Variants in CHRNA2 observed in about 807,000 individuals in gnomAD.
CHRNA2 encodes cholinergic receptor nicotinic alpha 2 subunit.
A neutral mutation model predicts 45.5 loss-of-function variants in CHRNA2; 40 were observed. The observed-to-expected ratio is 0.88, with a 90% CI of 0.68 to 1.15. CHRNA2 has a LOEUF of 1.15. Ranked by LOEUF, CHRNA2 falls within the 50% of genes most tolerant of loss-of-function variation. The pLI is 0.00. For missense variants in CHRNA2, 655 were observed against 701.7 expected (o/e 0.93, Z 0.75); for synonymous variants, 301 against 296.7 (o/e 1.01, Z -0.15).
intron 1 of CHRNA2, among the ~76,000 whole-genome samples, chr8:27,473,999 C>T (rs1162655791): frequency 6.6e-6 from 1 of 152,140 alleles, no homozygotes; most frequent in African/African-American, 2.4e-5. Context: ...TCACTCAATC[C>T]CCCTGGGATT....
At chr8:27,476,434 T>C (rs1813062645) in intron 1 of CHRNA2, among the ~76,000 whole-genome samples, 1 of 152,236 alleles carries the variant, frequency 6.6e-6, no homozygotes, top group African/African-American at 2.4e-5. Context: ...TGCATAAGCA[T>C]CTGAGAGATG....
chr8:27,463,109 C>T lies in CHRNA2; in HGVS notation c.1334G>A (p.Gly445Glu), dbSNP rs746067361. ...AGCCTCAGCCTTGGGACCTGAGGCC[C>T]CAGAGTGCAGGTGGCCGTGGCTGCA... ...TLCSHGHLHS[G>E]ASGPKAEALL... The change falls in exon 6 of 7, where the codon GGG becomes GAG. Residue 445 changes from glycine (G) to glutamate (E), a missense_variant. Gly to Glu is a moderately conservative substitution (Grantham distance 98). Transcript: ENST00000407991. The surrounding 1 kb of genome is among the most constrained non-coding windows in gnomAD (Gnocchi z 6.1). 2 of 1,610,646 alleles carry T rather than the reference C, an allele frequency of 1.2e-6. No individual in the cohort carries two copies. Among genetic ancestry groups the T allele is most frequent in the African/African-American group, 2.7e-5 (2 of 74,876 alleles).
At chr8:27,469,235 G>T (rs951972094) in intron 4 of CHRNA2, 100 bp downstream of exon 4, 5 of 1,172,310 alleles carry the variant, frequency 4.3e-6, no homozygotes, top group South Asian at 2.6e-5. Context: ...TCAGGGTCTT[G>T]CTGTTCCTTG....
At chr8:27,477,796 T>A (rs1813105175) in intron 1 of CHRNA2, among the ~76,000 whole-genome samples, 1 of 151,816 alleles carries the variant, frequency 6.6e-6, no homozygotes, top group Non-Finnish European at 1.5e-5. Flanking sequence ...GTAAAGTGGG[T>A]CTGGGTGAAT....
chr8:27,478,029 T>A (rs1586409489), intron 1 of CHRNA2, among the ~76,000 whole-genome samples: 1 of 152,074 alleles, frequency 6.6e-6, no homozygotes, highest in Non-Finnish European at 1.5e-5. Context: ...CTAATTCTGT[T>A]TTCAACTTCT....
At chr8:27,462,236 G>A (rs1287122107) in intron 6 of CHRNA2, among the ~76,000 whole-genome samples, 1 of 151,692 alleles carries the variant, frequency 6.6e-6, no homozygotes, top group Middle Eastern at 3.2e-3. Flanking sequence ...TGTAGAACTT[G>A]GGCTCACAGC....
rs1812513376 is a variant in CHRNA2, at chr8:27,462,150, C to A, written c.1465-396G>T. 2.0e-5 allele frequency among the ~76,000 whole-genome samples: 3 copies of A among 152,240 alleles called. No individual in the cohort carries two copies. The South Asian group carries it at 6.2e-4, about 32-fold the overall frequency. On this transcript the variant is annotated intron_variant, in intron 6 of 6. Coordinates refer to ENST00000407991, the MANE Select transcript of CHRNA2 (RefSeq NM_000742.4). Reference sequence around the variant, plus strand: ...TGCTCACAGGTTGCCTCCTCACCCACCTGCTGGAGCTGGGGAGAGGGAAAC... The same window carrying A: ...TGCTCACAGGTTGCCTCCTCACCCAACTGCTGGAGCTGGGGAGAGGGAAAC...
intron 1 of CHRNA2, among the ~76,000 whole-genome samples, chr8:27,472,488 G>A (rs1172910264): frequency 6.6e-6 from 1 of 152,162 alleles, no homozygotes; most frequent in African/African-American, 2.4e-5. Flanking sequence ...CCACATCTTT[G>A]GGGGGTCACA....
Position 27,463,894 on chromosome 8 carries a change from G to T in CHRNA2, c.549C>A (p.Cys183Ter), listed in dbSNP as rs1563319049. The T allele has an allele frequency of 6.2e-6, 10 of 1,614,240 alleles. No individual in the cohort carries two copies. Among genetic ancestry groups the T allele is most frequent in the Non-Finnish European group, 8.5e-6 (10 of 1,180,048 alleles). ...AGGGGAAGAAGGTGACGTCGATGCTGCAGGAGCTCTTGTAGATGGCCGGGG... is the reference window on the plus strand; with the variant it reads ...AGGGGAAGAAGGTGACGTCGATGCTTCAGGAGCTCTTGTAGATGGCCGGGG... ...WVPPAIYKSSCSIDVTFFPFD... is the reference protein window; with the variant it reads ...WVPPAIYKSS Residue 183 changes from cysteine (C) to a stop codon, truncating the protein, a stop_gained, in exon 6 of 7, where the codon TGC (cysteine) becomes TGA (stop). Transcript: ENST00000407991. LOFTEE classifies it high-confidence loss of function. The surrounding 1 kb of genome is among the most constrained non-coding windows in gnomAD (Gnocchi z 6.1).
In CHRNA2 at chr8:27,463,966, G is replaced by A. The variant is rs1812618183; in HGVS notation, c.477C>T (p.His159=). ...TGGAGAAGAGGTGGGCCTTGGTCAT[G>A]TGGGTCACTGCAAACTCCCCATCTG... ...NNADGEFAVT[H]MTKAHLFSTG... The change falls in exon 6 of 7, where the codon CAC becomes CAT. Residue 159 remains histidine, a synonymous_variant. Coordinates refer to ENST00000407991, the MANE Select transcript of CHRNA2 (RefSeq NM_000742.4). The surrounding 1 kb of genome is among the most constrained non-coding windows in gnomAD (Gnocchi z 6.1). 6.2e-7 allele frequency: 1 copy of A among 1,614,186 alleles called. No homozygotes were observed. The highest frequency in any genetic ancestry group is 8.5e-7 in the Non-Finnish European group (1 of 1,180,028).
chr8:27,472,853 C>T (rs1279743640), intron 1 of CHRNA2, among the ~76,000 whole-genome samples: 1 of 152,120 alleles, frequency 6.6e-6, no homozygotes, highest in Non-Finnish European at 1.5e-5. Flanking sequence ...ACAAACACCT[C>T]ATGGATTAAG....
Position 27,469,985 on chromosome 8 carries a change from C to A in CHRNA2, c.74-4G>T. The A allele has an allele frequency of 6.2e-7, 1 of 1,612,492 alleles. No individual in the cohort carries two copies. Among genetic ancestry groups the A allele is most frequent in the Non-Finnish European group, 8.5e-7 (1 of 1,179,416 alleles). On this transcript the variant is annotated splice_polypyrimidine_tract_variant and splice_region_variant and intron_variant, in intron 2 of 6. Transcript: ENST00000407991. ...GGGCGCTTAGCTTCCTCTCCACCTG[C>A]CATCAAATCAGAGCCACTCAGCCTC...
chr8:27,461,926 G>T (rs534616396), intron 6 of CHRNA2, among the ~76,000 whole-genome samples, 172 bp from the exon 7 acceptor site: 1 of 152,298 alleles, frequency 6.6e-6, no homozygotes, highest in Admixed American at 6.5e-5. Flanking sequence ...GGAGGGACGG[G>T]CTGTTTCAAG....
chr8:27,472,036 C>G (rs1044582173), intron 1 of CHRNA2, among the ~76,000 whole-genome samples: 3 of 152,170 alleles, frequency 2.0e-5, no homozygotes, highest in Non-Finnish European at 2.9e-5. Flanking sequence ...TCCATAAAAC[C>G]CCGAAAGGAC....
At chr8:27,470,141 G>T (rs1427847107) in intron 2 of CHRNA2, 160 bp from the exon 3 acceptor site, 4 of 737,798 alleles carry the variant, frequency 5.4e-6, no homozygotes, top group African/African-American at 1.7e-5. Context: ...CGGGGTCGGA[G>T]CTCAGGAAAG....
In CHRNA2 at chr8:27,462,666, G is replaced by A. The variant is rs546744360; in HGVS notation, c.1464+313C>T. On this transcript the variant is annotated intron_variant, in intron 6 of 6. Transcript: ENST00000407991. Reference sequence around the variant, plus strand: ...GCCGCCACCTCCAAGGCAATGGTGGGAGCTGGCGGCGTGAGGGAGGCACGG... The same window carrying A: ...GCCGCCACCTCCAAGGCAATGGTGGAAGCTGGCGGCGTGAGGGAGGCACGG... Among the ~76,000 whole-genome samples, 4 of 152,240 alleles carry A rather than the reference G, an allele frequency of 2.6e-5. No homozygotes were observed. In the South Asian group the frequency reaches 6.2e-4, roughly 24 times the overall value.
At chr8:27,470,473 G>C (rs1369287424) in intron 2 of CHRNA2, among the ~76,000 whole-genome samples, 2 of 152,186 alleles carry the variant, frequency 1.3e-5, no homozygotes, top group East Asian at 3.8e-4. Context: ...TTAAACCATG[G>C]GCATTTGCCA....
At chr8:27,474,739 G>A (rs1453960625) in intron 1 of CHRNA2, among the ~76,000 whole-genome samples, 2 of 152,232 alleles carry the variant, frequency 1.3e-5, no homozygotes, top group Non-Finnish European at 2.9e-5. Context: ...TCTCGTTCAG[G>A]AGTGCAGCTT....
At chr8:27,476,557 G>A (rs755302584) in intron 1 of CHRNA2, among the ~76,000 whole-genome samples, 5 of 152,154 alleles carry the variant, frequency 3.3e-5, no homozygotes, top group African/African-American at 4.8e-5. Context: ...TCTGCTCTCC[G>A]CAATCATTCA....
Sources: allele counts gnomAD v4.1 joint callset (sites outside exome capture counted in the v4.1 genomes callset), GRCh38; gene constraint gnomAD v4.1.1; non-coding constraint Gnocchi (gnomAD v3.1); transcripts MANE v1.5; gene names NCBI Gene and HGNC (gene_info 2026-07-23, HGNC 2026-07-21).